The following PTPN20 variants were observed in gnomAD, a reference collection of about 807,000 sequenced individuals.
PTPN20 encodes the protein tyrosine-protein phosphatase non-receptor type 20.
PTPN20 carries 9 observed loss-of-function variants against 35.0 expected under a neutral mutation model. The observed-to-expected ratio is 0.26, with a 90% CI of 0.15 to 0.45. The LOEUF (loss-of-function observed/expected upper bound fraction) is 0.45, where lower values mean the gene tolerates loss of function less well. PTPN20 is among the 20% of genes least tolerant of loss of function. PTPN20 has a pLI of 1.00. For synonymous variants in PTPN20, 32 were observed against 100.2 expected, an observed-to-expected ratio of 0.32 and a Z score of 4.06; for missense variants, 111 against 312.5, an observed-to-expected ratio of 0.36 and a Z score of 4.86.
chr10:46,953,522 A>C (rs1304889801), intron 5 of PTPN20, among the ~76,000 whole-genome samples: 1 of 141,406 alleles, frequency 7.1e-6, no homozygotes, highest in Non-Finnish European at 1.5e-5. Context: ...GTTTTTCATC[A>C]TAAAGTATAA....
chr10:46,936,194 G>A (rs1357906067), intron 2 of PTPN20, among the ~76,000 whole-genome samples: 14 of 151,942 alleles, frequency 9.2e-5, no homozygotes, highest in African/African-American at 1.7e-4. Flanking sequence ...ATAAGTTCTG[G>A]ATATTAGACC....
intron 5 of PTPN20, among the ~76,000 whole-genome samples, chr10:46,949,612 C>G (rs2046081468): frequency 6.7e-6 from 1 of 148,866 alleles, no homozygotes; most frequent in Non-Finnish European, 1.5e-5. Context: ...TACTAGCTTT[C>G]TATATTTAGG....
In PTPN20 at chr10:46,924,050, A is replaced by G. The variant is rs2036337611; in HGVS notation, c.-123-8327A>G. On this transcript the variant is annotated intron_variant, in intron 1 of 10. Transcript: ENST00000374339. ...TTGCATATTAACTTTGTATTCTGCA[A>G]CCTTGCTGTAATTGCTTATTAAGTT... Among the ~76,000 whole-genome samples the G allele has an allele frequency of 2.0e-5, 3 of 151,644 alleles. No homozygotes were observed. The South Asian group carries it at 6.2e-4, about 32-fold the overall frequency.
At chr10:46,995,332 T>TC (rs1491227398) in intron 9 of PTPN20, among the ~76,000 whole-genome samples, 10 of 136,640 alleles carry the variant, frequency 7.3e-5, no homozygotes, top group South Asian at 2.4e-4. Context: ...ATTTTTTTTT[T>TC]CTTTTTTTTT....
rs1039321339 is a variant in PTPN20, at chr10:47,000,670, A to G, written c.1198-6A>G. On this transcript the variant is annotated splice_region_variant and splice_polypyrimidine_tract_variant and intron_variant, in intron 10 of 10. Transcript: ENST00000374339. The stretch of plus-strand genomic sequence containing the variant: ...ATTCTGTTGTTTTTTATATATATGT[A>G]TATAGGAGCAGTATCACTTTTGTTA... 7.4e-6 allele frequency: 12 copies of G among 1,613,272 alleles called. No homozygotes were observed. Among genetic ancestry groups the G allele is most frequent in the Middle Eastern group, 3.3e-4 (2 of 6,046 alleles).
chr10:46,977,532 G>C (rs1466145262), intron 7 of PTPN20, among the ~76,000 whole-genome samples: 4 of 151,036 alleles, frequency 2.6e-5, no homozygotes, highest in Admixed American at 2.0e-4. Flanking sequence ...TGACAGTAGA[G>C]ATATGCAAAG....
chr10:46,944,782 A>G (rs1555139351), intron 4 of PTPN20, among the ~76,000 whole-genome samples: 1 of 147,032 alleles, frequency 6.8e-6, no homozygotes, highest in Non-Finnish European at 1.5e-5. Context: ...AATACAAACT[A>G]CTATATATTT....
chr10:46,952,821 C>G (rs1166851568), intron 5 of PTPN20, among the ~76,000 whole-genome samples: 1 of 151,796 alleles, frequency 6.6e-6, no homozygotes, highest in Non-Finnish European at 1.5e-5. Flanking sequence ...AAGCAGCAGC[C>G]CAGTTTCCCC....
At chr10:46,928,344 G>A (rs2038371665) in intron 1 of PTPN20, among the ~76,000 whole-genome samples, 2 of 151,732 alleles carry the variant, frequency 1.3e-5, no homozygotes, top group Non-Finnish European at 2.9e-5. Context: ...TAGAGTTTCT[G>A]TATTTTATTT....
chr10:46,936,960 T>C (rs1431126078), intron 2 of PTPN20, among the ~76,000 whole-genome samples: 1 of 151,734 alleles, frequency 6.6e-6, no homozygotes, highest in Non-Finnish European at 1.5e-5. Flanking sequence ...ATGTTTTATG[T>C]GCTCATGTAT....
chr10:46,977,263 G>A (rs1415917324), intron 7 of PTPN20, among the ~76,000 whole-genome samples: 1 of 152,290 alleles, frequency 6.6e-6, no homozygotes, highest in South Asian at 2.1e-4. Flanking sequence ...CTGCTGGCCT[G>A]CCCTGCAGAT....
chr10:47,000,625 C>T, intron 10 of PTPN20, 51 bp from the exon 11 acceptor site: 1 of 1,600,656 alleles, frequency 6.2e-7, no homozygotes, highest in Non-Finnish European at 8.5e-7. Context: ...AAAGTGGATT[C>T]TGTTATTCAA....
intron 2 of PTPN20, among the ~76,000 whole-genome samples, chr10:46,937,945 C>T (rs1461516553): frequency 1.7e-4 from 18 of 105,972 alleles, no homozygotes; most frequent in African/African-American, 1.9e-4. Context: ...TTTTCTTTTT[C>T]TTTTCTTTTT....
chr10:47,003,530 A>G (rs2060136996), downstream of PTPN20, among the ~76,000 whole-genome samples: 1 of 150,542 alleles, frequency 6.6e-6, no homozygotes, highest in South Asian at 2.2e-4. Flanking sequence ...TAACTATGTA[A>G]AAATTAATCT....
intron 1 of PTPN20, chr10:46,926,201 A>T (rs1486596053): frequency 1.9e-5 from 19 of 981,942 alleles, no homozygotes; most frequent in Middle Eastern, 5.2e-4. Context: ...ATGATCTTTT[A>T]TTGAGCTTGT....
At chr10:46,931,249 A>G (rs1555118722) in intron 1 of PTPN20, among the ~76,000 whole-genome samples, 1 of 106,618 alleles carries the variant, frequency 9.4e-6, no homozygotes, top group Non-Finnish European at 1.8e-5. Context: ...TAATTGCATT[A>G]AGTCTAGGAC....
chr10:46,953,389 TTCTTTC>T (rs1271514584), intron 5 of PTPN20, among the ~76,000 whole-genome samples: 2 of 141,610 alleles, frequency 1.4e-5, no homozygotes, highest in African/African-American at 6.1e-5. Flanking sequence ...CTTTCTTTCT[TTCTTTC>T]TTTTTTTTTG....
chr10:46,953,335 T>TTTCCTTTCTTTCTTTC (rs1555148518), intron 5 of PTPN20, among the ~76,000 whole-genome samples: 1 of 113,408 alleles, frequency 8.8e-6, no homozygotes, highest in Admixed American at 9.2e-5. Context: ...CTTTCATTTC[T>TTTCCTTTCTTTCTTTC]TTTCTTTCTT....
At chr10:46,951,567 T>A (rs1276432946) in intron 5 of PTPN20, among the ~76,000 whole-genome samples, 1 of 152,180 alleles carries the variant, frequency 6.6e-6, no homozygotes, top group Non-Finnish European at 1.5e-5. Context: ...TTCTTCAGAA[T>A]TTTTATTCAC....
Sources: allele counts gnomAD v4.1 joint callset (sites outside exome capture counted in the v4.1 genomes callset), GRCh38; gene constraint gnomAD v4.1.1; transcripts MANE v1.5; gene names NCBI Gene and HGNC (gene_info 2026-07-23, HGNC 2026-07-21).